Variants in PLD1 observed in about 807,000 individuals in gnomAD.
PLD1 encodes the protein phospholipase D1, also known as choline phosphatase 1.
A neutral mutation model predicts 137.1 loss-of-function variants in PLD1; 112 were observed. The observed-to-expected ratio is 0.82, with a 90% CI of 0.70 to 0.96. The LOEUF is 0.96. Among genes scored for constraint, PLD1 ranks in the 40% least tolerant of loss-of-function variants. The pLI, the probability that PLD1 is intolerant of heterozygous loss-of-function variation, is 0.00. For synonymous variants in PLD1, 431 were observed against 454.7 expected, an observed-to-expected ratio of 0.95 and a Z score of 0.66; for missense variants, 1,321 against 1,342.0, an observed-to-expected ratio of 0.98 and a Z score of 0.24.
chr3:171,803,944 C>A (rs1045094077), intron 1 of PLD1, among the ~76,000 whole-genome samples: 10 of 152,168 alleles, frequency 6.6e-5, no homozygotes, highest in African/African-American at 2.4e-4. Context: ...TTTAACATCA[C>A]AGTGATGTTA....
intron 13 of PLD1, among the ~76,000 whole-genome samples, chr3:171,690,443 T>C (rs757757123): frequency 2.0e-5 from 3 of 152,164 alleles, no homozygotes; most frequent in Non-Finnish European, 2.9e-5. Flanking sequence ...ACTGTAAAGT[T>C]AGGTTGTTAT....
At chr3:171,643,588 A>G (rs1365189271) in intron 22 of PLD1, among the ~76,000 whole-genome samples, 3 of 152,172 alleles carry the variant, frequency 2.0e-5, no homozygotes, top group Admixed American at 6.5e-5. Context: ...TCTGAACAAA[A>G]GCCAAATGTG....
At chr3:171,661,631 C>T (rs1037906151) in intron 20 of PLD1, among the ~76,000 whole-genome samples, 1 of 152,122 alleles carries the variant, frequency 6.6e-6, no homozygotes, top group African/African-American at 2.4e-5. Context: ...CTGCACTCTC[C>T]CTACTCCGCC....
At chr3:171,804,915 A>G (rs965316767) in intron 1 of PLD1, among the ~76,000 whole-genome samples, 1 of 152,208 alleles carries the variant, frequency 6.6e-6, no homozygotes, top group African/African-American at 2.4e-5. Context: ...CCCTCTGCCA[A>G]TGCCTCGTCT....
At chr3:171,716,702 C>T (rs6792460) in intron 8 of PLD1, among the ~76,000 whole-genome samples, 1 of 152,116 alleles carries the variant, frequency 6.6e-6, no homozygotes, top group African/African-American at 2.4e-5. Context: ...TGTCTGTCTA[C>T]TCTGTTGATA....
intron 21 of PLD1, among the ~76,000 whole-genome samples, chr3:171,658,335 G>A (rs1388805655): frequency 6.6e-6 from 1 of 151,952 alleles, no homozygotes; most frequent in Admixed American, 6.6e-5. Flanking sequence ...ATATATATCT[G>A]CACAAAAACT....
intron 7 of PLD1, 29 bp from the exon 8 acceptor site, chr3:171,724,817 C>G (rs759112169): frequency 1.4e-6 from 2 of 1,405,072 alleles, no homozygotes; most frequent in African/African-American, 2.8e-5. Context: ...TAACCCATCA[C>G]CTTCAAATTT....
At chr3:171,664,693 A>G (rs1367029997) in intron 19 of PLD1, among the ~76,000 whole-genome samples, 1 of 152,116 alleles carries the variant, frequency 6.6e-6, no homozygotes, top group Non-Finnish European at 1.5e-5. Context: ...TCCTGACCTC[A>G]AGTGATCCAC....
rs376280389 is a variant in PLD1 at position 171,734,949 on chromosome 3, G to A, written c.456C>T (p.Asn152=). The change falls in exon 5 of 27, where the codon AAC becomes AAT. Residue 152 remains asparagine (N), a synonymous_variant. Transcript: ENST00000351298. ...PTRRHTFRRQ[N]VREEPREMPS... Reference sequence around the variant, plus strand: ...GCATCTCTCGAGGCTCCTCTCTGACGTTTTGCCTCCTAAACGTGTGTCTAA... The same window carrying A: ...GCATCTCTCGAGGCTCCTCTCTGACATTTTGCCTCCTAAACGTGTGTCTAA... 8 of 1,610,980 alleles carry A rather than the reference G, an allele frequency of 5.0e-6. No individual in the cohort carries two copies. In the Admixed American group the frequency reaches 5.0e-5, roughly 10 times the overall value.
At chr3:171,733,863 T>G (rs1719135328) in intron 5 of PLD1, among the ~76,000 whole-genome samples, 1 of 152,162 alleles carries the variant, frequency 6.6e-6, no homozygotes, top group Non-Finnish European at 1.5e-5. Flanking sequence ...TTTTTTTCAA[T>G]TCTAACACTG....
intron 19 of PLD1, among the ~76,000 whole-genome samples, chr3:171,664,810 T>C (rs1337073036): frequency 6.6e-6 from 1 of 152,176 alleles, no homozygotes; most frequent in African/African-American, 2.4e-5. Flanking sequence ...AGAATTTACA[T>C]ATAATTTAAA....
rs778008062 is a variant in PLD1, at chr3:171,662,135, T to G, written c.2265A>C (p.Ile755=). ...CGTGGATGGACTCTTCATGGTACTTTATACCAGCAGACCAATCAGCAGCAG... is the reference window on the plus strand; with the variant it reads ...CGTGGATGGACTCTTCATGGTACTTGATACCAGCAGACCAATCAGCAGCAG... ...LRSAADWSAG[I]KYHEESIHAA... The change falls in exon 20 of 27, where the codon ATA becomes ATC. Residue 755 remains isoleucine (I), a synonymous_variant. Transcript: ENST00000351298. 1.4e-5 allele frequency: 22 copies of G among 1,613,420 alleles called. No homozygotes were observed. Among genetic ancestry groups the G allele is most frequent in the Non-Finnish European group, 1.8e-5 (21 of 1,179,466 alleles).
intron 1 of PLD1, among the ~76,000 whole-genome samples, chr3:171,744,116 G>A (rs1213000679): frequency 6.6e-6 from 1 of 152,196 alleles, no homozygotes; most frequent in East Asian, 1.9e-4. Context: ...GAAGCTTCCT[G>A]TGTGCCAGGC....
At chr3:171,671,325 C>A (rs185934388) in intron 19 of PLD1, among the ~76,000 whole-genome samples, 3 of 152,268 alleles carry the variant, frequency 2.0e-5, no homozygotes, top group Admixed American at 6.5e-5. Flanking sequence ...TCAATTAGTG[C>A]CCTGGCCCAT....
At position 171,686,777 on chromosome 3, in the gene PLD1, C is replaced by A; in HGVS notation, c.1775G>T (p.Ser592Ile). 1 of 1,552,478 alleles carries A rather than the reference C, an allele frequency of 6.4e-7. No homozygotes were observed. Among genetic ancestry groups the A allele is most frequent in the South Asian group, 1.2e-5 (1 of 86,902 alleles). ...STSSYFNHYR[S>I]HHNLIHGLKP... Reference sequence around the variant, plus strand: ...TAAACCATGGATTAAATTGTGATGACTTCTATAGTGATTAAAATAACCTAG... The same window carrying A: ...TAAACCATGGATTAAATTGTGATGAATTCTATAGTGATTAAAATAACCTAG... The change falls in exon 16 of 27, where the codon AGT becomes ATT. Residue 592 changes from serine (S) to isoleucine (I), a missense_variant. Physicochemically the swap from Ser to Ile is moderately radical, Grantham distance 142. Transcript: ENST00000351298.
At chr3:171,752,872 C>A (rs1436177748) in intron 1 of PLD1, among the ~76,000 whole-genome samples, 1 of 152,142 alleles carries the variant, frequency 6.6e-6, no homozygotes, top group African/African-American at 2.4e-5. Context: ...ACTGAAGAAA[C>A]CAATGAATAC....
At chr3:171,758,932 A>T (rs2108303451) in intron 1 of PLD1, among the ~76,000 whole-genome samples, 1 of 152,334 alleles carries the variant, frequency 6.6e-6, no homozygotes, top group Non-Finnish European at 1.5e-5. Context: ...TCATGTAGCA[A>T]ATAAAAATAC....
chr3:171,736,006 C>T (rs547463386), intron 3 of PLD1, among the ~76,000 whole-genome samples: 1 of 152,248 alleles, frequency 6.6e-6, no homozygotes, highest in African/African-American at 2.4e-5. Flanking sequence ...AAATATAAGC[C>T]GTGCACCAGG....
chr3:171,731,510 G>A (rs1221228874), intron 6 of PLD1, among the ~76,000 whole-genome samples: 2 of 152,102 alleles, frequency 1.3e-5, no homozygotes, highest in Non-Finnish European at 2.9e-5. Context: ...GGCTGGGCAC[G>A]GTGGCTCACG....
Sources: gnomAD v4.1 joint callset for allele counts (sites outside exome capture counted in the v4.1 genomes callset) on GRCh38, gnomAD v4.1.1 for gene constraint, MANE v1.5 for transcripts, NCBI Gene and HGNC (gene_info 2026-07-23, HGNC 2026-07-21) for gene names.